Variants in PLEKHG3 observed in about 807,000 individuals in gnomAD.
PLEKHG3 encodes pleckstrin homology domain-containing family G member 3.
Under a neutral mutation model 94.9 loss-of-function variants are expected in PLEKHG3, and 62 were observed. The observed-to-expected ratio is 0.65, with a 90% confidence interval of 0.53 to 0.81. The LOEUF is 0.81. Among genes scored for constraint, PLEKHG3 ranks in the 30% least tolerant of loss-of-function variants. The pLI is 0.00. For synonymous variants in PLEKHG3, 614 were observed against 654.0 expected, an observed-to-expected ratio of 0.94 and a Z score of 0.93; for missense variants, 1,461 against 1,619.3, an observed-to-expected ratio of 0.90 and a Z score of 1.68.
chr14:64,723,831 A>G lies in PLEKHG3; in HGVS notation c.-39-3762A>G, dbSNP rs1195100003. The G allele has an allele frequency of 6.6e-6, 1 of 152,264 alleles. No homozygotes were observed. Among genetic ancestry groups the G allele is most frequent in the Non-Finnish European group, 1.5e-5 (1 of 68,154 alleles). The allele number at this position is 152,264 out of a possible 1,614,324, so 9.4% of individuals were successfully genotyped here. ...AGCGAGTTTTCTAGAAGACTGATTC[A>G]CTGATTGATGACTGACTGGATTGAT... On this transcript the variant is annotated intron_variant, in intron 1 of 16. Transcript: ENST00000247226. This position sits in a 1 kb window ranked among gnomAD's most constrained non-coding sequence, Gnocchi z 4.5.
chr14:64,707,236 C>T (rs943269156), intron 1 of PLEKHG3, among the ~76,000 whole-genome samples: 1 of 152,182 alleles, frequency 6.6e-6, no homozygotes, highest in Non-Finnish European at 1.5e-5. Flanking sequence ...GAGCCCCCAG[C>T]GGACCTGGCA....
In PLEKHG3 at chr14:64,730,992, C is replaced by A; in HGVS notation, c.717+43C>A. 6.2e-7 allele frequency: 1 copy of A among 1,613,730 alleles called. No homozygotes were observed. Among genetic ancestry groups the A allele is most frequent in the South Asian group, 1.1e-5 (1 of 91,086 alleles). On this transcript the variant is annotated intron_variant, in intron 6 of 16. Coordinates refer to ENST00000247226, the MANE Select transcript of PLEKHG3 (RefSeq NM_001308147.2). This position sits in a 1 kb window ranked among gnomAD's most constrained non-coding sequence, Gnocchi z 5.4. ...CCAAGCACCTAGGGCCTGGGGAGGG[C>A]AGGGCCTTCGGGTCAGGGGCACCTA...
At position 64,741,869 on chromosome 14, in the gene PLEKHG3, G is replaced by C. The variant is rs1467016475; in HGVS notation, c.2352G>C (p.Trp784Cys). The change falls in exon 16 of 17, where the codon TGG becomes TGC. Residue 784 changes from tryptophan (W) to cysteine (C), a missense_variant. Around this residue, in one of 3 missense-constraint regions of PLEKHG3, gnomAD observed 1,201 missense variants for 1,295.5 expected, o/e 0.93. Transcript: ENST00000247226. Reference protein sequence around the residue: ...KRQVGSRPTSWALFELPGPSQ... With the variant: ...KRQVGSRPTSCALFELPGPSQ... ...AGGTGGGCTCCCGGCCGACTTCGTG[G>C]GCCCTGTTTGAGCTCCCAGGACCAA... 6.2e-7 allele frequency: 1 copy of C among 1,612,994 alleles called. No individual in the cohort carries two copies. Among genetic ancestry groups the C allele is most frequent in the Non-Finnish European group, 8.5e-7 (1 of 1,179,728 alleles).
In PLEKHG3 at chr14:64,731,225, G is replaced by A. The variant is rs865884926; in HGVS notation, c.849+56G>A. 15 of 1,529,866 alleles carry A rather than the reference G, an allele frequency of 9.8e-6. No individual in the cohort carries two copies. The highest frequency in any genetic ancestry group is 4.5e-5 in the East Asian group (2 of 44,380). The allele number at this position is 1,529,866 out of a possible 1,614,324, so 94.8% of individuals were successfully genotyped here. A position where few individuals can be genotyped will look rare whatever the true frequency, so the allele number is the denominator to read the frequency against. ...GCAGGGCTGGGTGGGCCAGGCTTCCGCTGGGAAGAGGGACTGTGGCCACCC... is the reference window on the plus strand; with the variant it reads ...GCAGGGCTGGGTGGGCCAGGCTTCCACTGGGAAGAGGGACTGTGGCCACCC... On this transcript the variant is annotated intron_variant, in intron 7 of 16. Coordinates refer to ENST00000247226, the MANE Select transcript of PLEKHG3 (RefSeq NM_001308147.2). The surrounding 1 kb of genome is among the most constrained non-coding windows in gnomAD (Gnocchi z 6.1).
chr14:64,730,233 C>T lies in PLEKHG3; in HGVS notation c.450-10C>T, dbSNP rs760016389. 263 of 1,509,160 alleles carry T rather than the reference C, an allele frequency of 1.7e-4. No homozygotes were observed. The highest frequency in any genetic ancestry group is 4.3e-4 in the Admixed American group (22 of 50,950). The allele number at this position is 1,509,160 out of a possible 1,614,324, so 93.5% of individuals were successfully genotyped here. On this transcript the variant is annotated splice_polypyrimidine_tract_variant and intron_variant, in intron 3 of 16. Coordinates refer to ENST00000247226, the MANE Select transcript of PLEKHG3 (RefSeq NM_001308147.2). This position sits in a 1 kb window ranked among gnomAD's most constrained non-coding sequence, Gnocchi z 5.4. ...GCAGAGGGTACAGTGGCTGCTCTCC[C>T]CTCACCCAGCCAGCTCCTCAGAGAC...
rs1478822386 is a variant in PLEKHG3, at chr14:64,742,216, T to C, written c.2699T>C (p.Val900Ala). ...AGCAGCAGTACCCAGGGGGAGCTGG[T>C]GGCCCCACTGCACCCCCGCATCGTG... ...ELSSSTQGEL[V>A]APLHPRIVQL... Residue 900 changes from valine to alanine, a missense_variant, in exon 16 of 17, where the codon GTG (valine) becomes GCG (alanine). Transcript: ENST00000247226. 33 of 1,612,822 alleles carry C rather than the reference T, an allele frequency of 2.0e-5. No homozygotes were observed. The highest frequency in any genetic ancestry group is 1.6e-4 in the Middle Eastern group (1 of 6,084).
rs151273495 is a variant in PLEKHG3 at position 64,726,035 on chromosome 14, C to A, written c.-39-1558C>A. Among the ~76,000 whole-genome samples, 1 of 152,172 alleles carries A rather than the reference C, an allele frequency of 6.6e-6. No homozygotes were observed. The highest frequency in any genetic ancestry group is 6.5e-5 in the Admixed American group (1 of 15,282). ...TAGTAAGAGAACACAGAAAGAGTTC[C>A]CCAGGTTTGGGGGATATTGGAAGGT... On this transcript the variant is annotated intron_variant, in intron 1 of 16. Transcript: ENST00000247226. This position sits in a 1 kb window ranked among gnomAD's most constrained non-coding sequence, Gnocchi z 5.1.
At position 64,704,870 on chromosome 14, in the gene PLEKHG3, G is replaced by T. The variant is rs945645511; in HGVS notation, c.-40+166G>T. ...AGGAGGGCCTGGAACTGTGTTGGCT[G>T]CTTCCCGGGCCACCCTGCCGCAGAG... On this transcript the variant is annotated intron_variant, in intron 1 of 16. Transcript: ENST00000247226. The surrounding 1 kb of genome is among the most constrained non-coding windows in gnomAD (Gnocchi z 5.6). 3.9e-5 allele frequency among the ~76,000 whole-genome samples: 6 copies of T among 152,370 alleles called. No homozygotes were observed. Among genetic ancestry groups the T allele is most frequent in the African/African-American group, 1.2e-4 (5 of 41,596 alleles).
intron 1 of PLEKHG3, among the ~76,000 whole-genome samples, chr14:64,707,007 G>A (rs901554107): frequency 9.2e-5 from 14 of 152,220 alleles, no homozygotes; most frequent in African/African-American, 3.1e-4. Context: ...TGCACTGAGG[G>A]CTGTCTTCAG....
In PLEKHG3 at chr14:64,704,449, T is replaced by C. The variant is rs951401187; in HGVS notation, c.-295T>C. ...GCTCCCTCGCTCCCTCGCTCCCTCC[T>C]GCCCTCCCGCTGCAGCTCCGGCTCC... On this transcript the variant is annotated 5_prime_UTR_variant, in exon 1 of 17. Coordinates refer to ENST00000247226, the MANE Select transcript of PLEKHG3 (RefSeq NM_001308147.2). The surrounding 1 kb of genome is among the most constrained non-coding windows in gnomAD (Gnocchi z 5.6). The C allele has an allele frequency of 9.6e-5, 12 of 125,534 alleles. No individual in the cohort carries two copies. The highest frequency in any genetic ancestry group is 3.4e-4 in the African/African-American group (11 of 32,232). 7.8% of individuals were successfully genotyped at this position (125,534 alleles called of 1,614,324 possible).
Position 64,731,033 on chromosome 14 carries a change from C to T in PLEKHG3, c.718-5C>T, listed in dbSNP as rs368393674. ...GGGGCACCTAAGCGTCTATCTTCTG[C>T]GCAGGAAATTGCCAAGCATTTTGAT... On this transcript the variant is annotated splice_region_variant and splice_polypyrimidine_tract_variant and intron_variant, in intron 6 of 16. Transcript: ENST00000247226. The surrounding 1 kb of genome is among the most constrained non-coding windows in gnomAD (Gnocchi z 6.1). 64 of 1,614,018 alleles carry T rather than the reference C, an allele frequency of 4.0e-5. 1 individual carries two copies. The highest frequency in any genetic ancestry group is 9.3e-5 in the African/African-American group (7 of 75,026).
In PLEKHG3 at chr14:64,722,344, G is replaced by T. The variant is rs1470573772; in HGVS notation, c.-39-5249G>T. Among the ~76,000 whole-genome samples, 1 of 152,176 alleles carries T rather than the reference G, an allele frequency of 6.6e-6. No homozygotes were observed. Among genetic ancestry groups the T allele is most frequent in the East Asian group, 1.9e-4 (1 of 5,182 alleles). ...CTGCCTCAGCCTCGCGAGTAGCTGG[G>T]ATTACAGGTGCATGCCACCACACCC... On this transcript the variant is annotated intron_variant, in intron 1 of 16. Coordinates refer to ENST00000247226, the MANE Select transcript of PLEKHG3 (RefSeq NM_001308147.2). This position sits in a 1 kb window ranked among gnomAD's most constrained non-coding sequence, Gnocchi z 4.3.
rs1168830979 is a variant in PLEKHG3 at position 64,720,686 on chromosome 14, T to C, written c.-39-6907T>C. On this transcript the variant is annotated intron_variant, in intron 1 of 16. Coordinates refer to ENST00000247226, the MANE Select transcript of PLEKHG3 (RefSeq NM_001308147.2). The surrounding 1 kb of genome is among the most constrained non-coding windows in gnomAD (Gnocchi z 4.1). Reference sequence around the variant, plus strand: ...GAGTATATTACTTCCCTATTGCCACTGTAACAAATTCTGCAATCTTAGTGG... The same window carrying C: ...GAGTATATTACTTCCCTATTGCCACCGTAACAAATTCTGCAATCTTAGTGG... Among the ~76,000 whole-genome samples, 1 of 152,232 alleles carries C rather than the reference T, an allele frequency of 6.6e-6. No individual in the cohort carries two copies. The highest frequency in any genetic ancestry group is 1.5e-5 in the Non-Finnish European group (1 of 68,038).
Position 64,720,237 on chromosome 14 carries a change from G to T in PLEKHG3, c.-39-7356G>T, listed in dbSNP as rs1440453583. 6.6e-6 allele frequency among the ~76,000 whole-genome samples: 1 copy of T among 152,216 alleles called. No individual in the cohort carries two copies. The highest frequency in any genetic ancestry group is 2.4e-5 in the African/African-American group (1 of 41,456). On this transcript the variant is annotated intron_variant, in intron 1 of 16. Transcript: ENST00000247226. The surrounding 1 kb of genome is among the most constrained non-coding windows in gnomAD (Gnocchi z 4.1). ...CCAGTCTCTTGTGGCTGGTCACCTAGTATGTAGCCCAGCGGGGCAGCTATG... is the reference window on the plus strand; with the variant it reads ...CCAGTCTCTTGTGGCTGGTCACCTATTATGTAGCCCAGCGGGGCAGCTATG...
In PLEKHG3 at chr14:64,741,449, G is replaced by A. The variant is rs1409172221; in HGVS notation, c.1932G>A (p.Leu644=). The change falls in exon 16 of 17, where the codon CTG becomes CTA. Residue 644 remains leucine, a synonymous_variant. Coordinates refer to ENST00000247226, the MANE Select transcript of PLEKHG3 (RefSeq NM_001308147.2). ...LVSRSSSVLS[L]EGSEKGLARH... ...GCCGGAGCAGCAGCGTGCTCAGCCTGGAGGGCAGCGAGAAGGGCCTGGCCC... is the reference window on the plus strand; with the variant it reads ...GCCGGAGCAGCAGCGTGCTCAGCCTAGAGGGCAGCGAGAAGGGCCTGGCCC... 1 of 1,612,764 alleles carries A rather than the reference G, an allele frequency of 6.2e-7. No homozygotes were observed. Among genetic ancestry groups the A allele is most frequent in the Non-Finnish European group, 8.5e-7 (1 of 1,180,010 alleles).
Position 64,739,672 on chromosome 14 carries a change from G to A in PLEKHG3, c.1518+817G>A, listed in dbSNP as rs2081645973. ...AGTTTTGGAGGCTGGAAATTCTAAG[G>A]TCAAGATGCCAGCAGACCCTGGGGA... On this transcript the variant is annotated intron_variant, in intron 15 of 16. Coordinates refer to ENST00000247226, the MANE Select transcript of PLEKHG3 (RefSeq NM_001308147.2). The surrounding 1 kb of genome is among the most constrained non-coding windows in gnomAD (Gnocchi z 4.1). Among the ~76,000 whole-genome samples, 1 of 152,220 alleles carries A rather than the reference G, an allele frequency of 6.6e-6. No individual in the cohort carries two copies. The highest frequency in any genetic ancestry group is 2.1e-4 in the South Asian group (1 of 4,832).
In PLEKHG3 at chr14:64,741,765, G is replaced by T; in HGVS notation, c.2248G>T (p.Val750Leu). 6.2e-7 allele frequency: 1 copy of T among 1,613,318 alleles called. No individual in the cohort carries two copies. Among genetic ancestry groups the T allele is most frequent in the Middle Eastern group, 1.6e-4 (1 of 6,062 alleles). The change falls in exon 16 of 17, where the codon GTA becomes TTA. Residue 750 changes from valine (V) to leucine (L), a missense_variant. This residue lies in a region of PLEKHG3 where 1,201 missense variants were observed against 1,295.5 expected (regional missense o/e 0.93). Coordinates refer to ENST00000247226, the MANE Select transcript of PLEKHG3 (RefSeq NM_001308147.2). ...CCTCTCCTACATCCCCAAAGGACTG[G>T]TAAGAAACTCCATCTCCAGGTTCAA... ...ESLSYIPKGL[V>L]RNSISRFNSL...
At position 64,747,761 on chromosome 14, in the gene PLEKHG3, T is replaced by G. The variant is rs1431614163; in HGVS notation, c.*4058T>G. 6.6e-6 allele frequency: 1 copy of G among 152,420 alleles called. No homozygotes were observed. Among genetic ancestry groups the G allele is most frequent in the Non-Finnish European group, 1.5e-5 (1 of 68,280 alleles). 9.4% of individuals were successfully genotyped at this position (152,420 alleles called of 1,614,324 possible). On this transcript the variant is annotated 3_prime_UTR_variant, in exon 17 of 17. Coordinates refer to ENST00000247226, the MANE Select transcript of PLEKHG3 (RefSeq NM_001308147.2). ...AAACTTGACTGCAGGCCCTGGGGAC[T>G]TTCATGGTTTCCTTGGGGGAAAATG...
chr14:64,709,233 T>G (rs2081027809), intron 1 of PLEKHG3, among the ~76,000 whole-genome samples: 1 of 152,176 alleles, frequency 6.6e-6, no homozygotes, highest in Non-Finnish European at 1.5e-5. Flanking sequence ...GGTCCCACCC[T>G]TAGAGTAATC....
Sources: gnomAD v4.1 joint callset for allele counts (sites outside exome capture counted in the v4.1 genomes callset) on GRCh38, gnomAD v4.1.1 for gene constraint, gnomAD v4.1.1 regional missense constraint, Gnocchi (gnomAD v3.1) non-coding constraint, MANE v1.5 for transcripts, NCBI Gene and HGNC (gene_info 2026-07-23, HGNC 2026-07-21) for gene names.